The following BABAM2 variants were observed in gnomAD, a reference collection of about 807,000 sequenced individuals.
BABAM2 encodes the protein BRISC and BRCA1 A complex member 2.
In BABAM2, 31 loss-of-function variants were observed where a neutral mutation model predicts 54.7. That is an observed-to-expected ratio of 0.57 (90% CI 0.43 to 0.77). BABAM2 has a LOEUF of 0.77. BABAM2 is among the 30% of genes least tolerant of loss of function. The pLI is 0.00. For missense variants in BABAM2, 364 were observed against 455.8 expected, an observed-to-expected ratio of 0.80 and a Z score of 1.83; for synonymous variants, 167 against 162.9, an observed-to-expected ratio of 1.03 and a Z score of -0.19.
intron 2 of BABAM2, among the ~76,000 whole-genome samples, chr2:27,912,595 C>T (rs1413755043): frequency 6.6e-5 from 10 of 152,024 alleles, no homozygotes; most frequent in Non-Finnish European, 1.2e-4. Flanking sequence ...ATTCAGGACG[C>T]GAGAGACCAT....
rs185550657 is a variant in BABAM2 at position 28,167,643 on chromosome 2, G to A, written c.680+38263G>A. Reference sequence around the variant, plus strand: ...CGGGAGGCAGAAGTTGCAGTGAGCCGAGATCACGCCACTACACTCCAGCCT... The same window carrying A: ...CGGGAGGCAGAAGTTGCAGTGAGCCAAGATCACGCCACTACACTCCAGCCT... On this transcript the variant is annotated intron_variant, in intron 7 of 11. Coordinates refer to ENST00000379624, the MANE Select transcript of BABAM2 (RefSeq NM_199191.3). Among the ~76,000 whole-genome samples, 5 of 151,400 alleles carry A rather than the reference G, an allele frequency of 3.3e-5. No individual in the cohort carries two copies. In the East Asian group the frequency reaches 7.7e-4, roughly 23 times the overall value.
intron 7 of BABAM2, among the ~76,000 whole-genome samples, chr2:28,210,311 G>T (rs1205907445): frequency 6.6e-6 from 1 of 152,182 alleles, no homozygotes; most frequent in African/African-American, 2.4e-5. Context: ...TTTGTGCCGT[G>T]AGCTGCTCAC....
chr2:27,944,589 T>C (rs1669160489), intron 3 of BABAM2, among the ~76,000 whole-genome samples: 1 of 152,222 alleles, frequency 6.6e-6, no homozygotes, highest in Non-Finnish European at 1.5e-5. Context: ...AGCACTACAT[T>C]GTATGGCTGT....
intron 10 of BABAM2, among the ~76,000 whole-genome samples, chr2:28,265,790 T>C (rs1684933847): frequency 6.6e-6 from 1 of 152,180 alleles, no homozygotes; most frequent in Non-Finnish European, 1.5e-5. Context: ...AGAATGTACC[T>C]TTAACAATTT....
intron 7 of BABAM2, among the ~76,000 whole-genome samples, chr2:28,223,106 A>T (rs546960108): frequency 7.4e-4 from 113 of 152,370 alleles, no homozygotes; most frequent in Middle Eastern, 3.4e-3. Context: ...GCACAGATGG[A>T]TATTAACAGA....
At chr2:28,221,257 T>G (rs1328187142) in intron 7 of BABAM2, among the ~76,000 whole-genome samples, 1 of 152,206 alleles carries the variant, frequency 6.6e-6, no homozygotes, top group African/African-American at 2.4e-5. Flanking sequence ...TGCCACATCC[T>G]TCTTCTTCCC....
At chr2:28,263,982 C>A (rs1054041450) in intron 10 of BABAM2, among the ~76,000 whole-genome samples, 2 of 152,206 alleles carry the variant, frequency 1.3e-5, no homozygotes, top group African/African-American at 2.4e-5. Flanking sequence ...AAAAGGAATC[C>A]GTCAGTGTGA....
At chr2:27,938,837 G>A (rs1031536057) in intron 3 of BABAM2, among the ~76,000 whole-genome samples, 12 of 152,252 alleles carry the variant, frequency 7.9e-5, no homozygotes, top group East Asian at 7.7e-4. Context: ...TCCAAGCAAA[G>A]GGTAATGGCT....
chr2:28,129,438 A>C, intron 7 of BABAM2, 58 bp downstream of exon 7: 6 of 1,408,808 alleles, frequency 4.3e-6, no homozygotes, highest in Non-Finnish European at 6.0e-6. Context: ...AATATGTCTC[A>C]TTCTTTCTTT....
chr2:28,114,889 A>G (rs1043862337), intron 6 of BABAM2, among the ~76,000 whole-genome samples: 11 of 152,174 alleles, frequency 7.2e-5, no homozygotes, highest in Admixed American at 5.9e-4. Flanking sequence ...AATAATTTCA[A>G]TAGATTTCTG....
chr2:28,079,516 A>C (rs1376081693), intron 6 of BABAM2, among the ~76,000 whole-genome samples: 1 of 152,214 alleles, frequency 6.6e-6, no homozygotes, highest in Admixed American at 6.5e-5. Context: ...AGCTTACTAA[A>C]GAAAAGTTTT....
intron 7 of BABAM2, among the ~76,000 whole-genome samples, chr2:28,146,382 A>G (rs1187320235): frequency 6.6e-6 from 1 of 152,210 alleles, no homozygotes; most frequent in African/African-American, 2.4e-5. Flanking sequence ...CATTTCCTAC[A>G]TTAGATCATT....
chr2:27,951,112 C>G (rs1669688091), intron 3 of BABAM2, among the ~76,000 whole-genome samples: 2 of 152,100 alleles, frequency 1.3e-5, no homozygotes, highest in Admixed American at 1.3e-4. Flanking sequence ...GAAGAACCAG[C>G]TTTTGGTTTC....
At chr2:28,107,176 C>G (rs973459498) in intron 6 of BABAM2, among the ~76,000 whole-genome samples, 2 of 152,090 alleles carry the variant, frequency 1.3e-5, no homozygotes, top group African/African-American at 4.8e-5. Flanking sequence ...TGCCTGGGCT[C>G]TGACACCCTG....
At chr2:28,282,151 T>G (rs553745115) in intron 10 of BABAM2, among the ~76,000 whole-genome samples, 20 of 152,214 alleles carry the variant, frequency 1.3e-4, no homozygotes, top group African/African-American at 4.6e-4. Context: ...AGAACAGAAG[T>G]GAGCAACAGT....
At chr2:27,981,906 A>G (rs755773528) in intron 3 of BABAM2, among the ~76,000 whole-genome samples, 3 of 152,122 alleles carry the variant, frequency 2.0e-5, no homozygotes, top group Non-Finnish European at 4.4e-5. Context: ...TGGTAGCTCT[A>G]TGTTTAACCT....
chr2:28,184,738 T>C (rs2147896532), intron 7 of BABAM2, among the ~76,000 whole-genome samples: 1 of 152,264 alleles, frequency 6.6e-6, no homozygotes, highest in South Asian at 2.1e-4. Flanking sequence ...GACATTTGGA[T>C]TGGTTCCAAG....
chr2:28,053,529 CT>C (rs1249124978), intron 6 of BABAM2, among the ~76,000 whole-genome samples: 1 of 152,152 alleles, frequency 6.6e-6, no homozygotes, highest in Non-Finnish European at 1.5e-5. Context: ...ACGATTTATC[CT>C]TGCTAAATTT....
At chr2:28,172,234 A>G (rs1674406168) in intron 7 of BABAM2, among the ~76,000 whole-genome samples, 1 of 152,142 alleles carries the variant, frequency 6.6e-6, no homozygotes, top group African/African-American at 2.4e-5. Context: ...ATCATCTGCA[A>G]TAATATACGT....
Sources: gnomAD v4.1 joint callset for allele counts (sites outside exome capture counted in the v4.1 genomes callset) on GRCh38, gnomAD v4.1.1 for gene constraint, MANE v1.5 for transcripts, NCBI Gene and HGNC (gene_info 2026-07-23, HGNC 2026-07-21) for gene names.